The following ELAVL2 variants were observed in gnomAD, a reference collection of about 807,000 sequenced individuals.
ELAVL2 encodes ELAV like RNA binding protein 2, also known as ELAV-like protein 2.
In ELAVL2, 4 loss-of-function variants were observed where a neutral mutation model predicts 34.6. The observed-to-expected ratio is 0.12, with a 90% CI of 0.06 to 0.26. ELAVL2 has a LOEUF of 0.26. Among genes scored for constraint, ELAVL2 ranks in the 10% least tolerant of loss-of-function variants. The probability of loss-of-function intolerance (pLI) is 1.00; values close to 1 mark genes in which losing one functional copy is unlikely to be tolerated. For missense variants in ELAVL2, 432 were observed against 442.8 expected (o/e 0.98, Z 0.22); for synonymous variants, 193 against 154.8 (o/e 1.25, Z -1.83).
At chr9:23,701,727 C>G in intron 4 of ELAVL2, 123 bp from the exon 5 acceptor site, 4 of 969,014 alleles carry the variant, frequency 4.1e-6, no homozygotes, top group Non-Finnish European at 6.2e-6. Context: ...TAACATTTCC[C>G]ACAAAATCAC....
At chr9:23,789,808 G>A (rs1347784404) in intron 1 of ELAVL2, among the ~76,000 whole-genome samples, 1 of 148,472 alleles carries the variant, frequency 6.7e-6, no homozygotes, top group Non-Finnish European at 1.5e-5. Context: ...TTGCAAAACA[G>A]TTAGCTTCTT....
intron 1 of ELAVL2, among the ~76,000 whole-genome samples, chr9:23,808,385 T>C (rs528393742): frequency 3.9e-5 from 6 of 152,276 alleles, no homozygotes; most frequent in African/African-American, 9.6e-5. Context: ...TAAGGTAGTA[T>C]ATGTGGCATA....
chr9:23,697,933 T>C (rs921469743), intron 5 of ELAVL2, among the ~76,000 whole-genome samples: 1 of 151,934 alleles, frequency 6.6e-6, no homozygotes, highest in African/African-American at 2.4e-5. Context: ...AAGATCATCT[T>C]CTTACTGCCT....
intron 1 of ELAVL2, among the ~76,000 whole-genome samples, chr9:23,774,069 G>A (rs1240503943): frequency 1.3e-5 from 2 of 151,738 alleles, no homozygotes; most frequent in Admixed American, 1.3e-4. Context: ...AAATTAGCCG[G>A]ACTTGGTGGC....
intron 1 of ELAVL2, among the ~76,000 whole-genome samples, chr9:23,808,396 T>C (rs971729326): frequency 6.6e-6 from 1 of 152,140 alleles, no homozygotes; most frequent in Non-Finnish European, 1.5e-5. Flanking sequence ...ATGTGGCATA[T>C]AGCAAGATCA....
intron 1 of ELAVL2, among the ~76,000 whole-genome samples, chr9:23,765,734 C>G (rs1395937970): frequency 1.3e-5 from 2 of 152,138 alleles, no homozygotes; most frequent in African/African-American, 4.8e-5. Context: ...AGTAAACCAG[C>G]ATCTTTCAAT....
rs150394407 is a variant in ELAVL2, at chr9:23,741,747, C to A, written c.230-10622G>T. 1.5e-3 allele frequency among the ~76,000 whole-genome samples: 227 copies of A among 150,886 alleles called. 1 individual carries two copies. Among genetic ancestry groups the A allele is most frequent in the African/African-American group, 5.2e-3 (213 of 40,858 alleles). Reference sequence around the variant, plus strand: ...GAGCCACTGAACAAGACACACAGATCCTGCACCACTTCTGCACGTCTCCCA... The same window carrying A: ...GAGCCACTGAACAAGACACACAGATACTGCACCACTTCTGCACGTCTCCCA... On this transcript the variant is annotated intron_variant, in intron 2 of 6. Transcript: ENST00000397312.
intron 3 of ELAVL2, among the ~76,000 whole-genome samples, chr9:23,720,416 C>T (rs566474938): frequency 3.3e-5 from 5 of 152,036 alleles, no homozygotes; most frequent in African/African-American, 1.2e-4. Flanking sequence ...GACTGCCCAC[C>T]TCAGCCTCCC....
chr9:23,718,896 T>C (rs745396070), intron 3 of ELAVL2, among the ~76,000 whole-genome samples: 2 of 152,242 alleles, frequency 1.3e-5, no homozygotes, highest in Non-Finnish European at 2.9e-5. Flanking sequence ...AAGTATCTAT[T>C]AGACACCTGA....
chr9:23,696,897 G>T (rs2035458661), intron 5 of ELAVL2, among the ~76,000 whole-genome samples: 1 of 151,520 alleles, frequency 6.6e-6, no homozygotes, highest in African/African-American at 2.4e-5. Flanking sequence ...AAATATTAAA[G>T]TATCCATTAA....
intron 1 of ELAVL2, among the ~76,000 whole-genome samples, chr9:23,782,796 C>G (rs1269682842): frequency 1.3e-5 from 2 of 152,300 alleles, no homozygotes; most frequent in South Asian, 4.1e-4. Context: ...TATTTACCAG[C>G]CTGCTTGACC....
chr9:23,797,777 A>C (rs2061125702), intron 1 of ELAVL2, among the ~76,000 whole-genome samples: 1 of 152,014 alleles, frequency 6.6e-6, no homozygotes, highest in South Asian at 2.1e-4. Context: ...AAAAATACAA[A>C]ATTAGGTGGG....
chr9:23,708,754 G>A (rs996041860), intron 3 of ELAVL2, among the ~76,000 whole-genome samples: 7 of 152,060 alleles, frequency 4.6e-5, no homozygotes, highest in Non-Finnish European at 1.0e-4. Context: ...CTATTCTCCT[G>A]CCTCAGCCTT....
intron 3 of ELAVL2, among the ~76,000 whole-genome samples, chr9:23,717,947 A>C (rs112161287): frequency 1.8e-4 from 28 of 152,334 alleles, no homozygotes; most frequent in African/African-American, 4.6e-4. Flanking sequence ...AACAACTTGC[A>C]ATTAAATACT....
intron 6 of ELAVL2, 116 bp from the exon 7 acceptor site, chr9:23,693,000 C>T: frequency 1.1e-6 from 1 of 915,806 alleles, no homozygotes; most frequent in Non-Finnish European, 1.6e-6. Context: ...TCTCCTCCCC[C>T]AACAAATATA....
intron 2 of ELAVL2, among the ~76,000 whole-genome samples, chr9:23,753,950 T>C (rs1029663645): frequency 5.9e-5 from 9 of 152,206 alleles, no homozygotes; most frequent in African/African-American, 2.2e-4. Flanking sequence ...GAAAGGTTAC[T>C]GAAGACTATT....
At chr9:23,697,473 G>C (rs993843584) in intron 5 of ELAVL2, among the ~76,000 whole-genome samples, 2 of 152,144 alleles carry the variant, frequency 1.3e-5, no homozygotes, top group Admixed American at 6.5e-5. Flanking sequence ...ATTTAATACA[G>C]ATTGTCTCAT....
At chr9:23,693,546 A>G (rs1289018894) in intron 5 of ELAVL2, 60 bp from the exon 6 acceptor site, 1 of 1,600,568 alleles carries the variant, frequency 6.2e-7, no homozygotes, top group East Asian at 2.2e-5. Flanking sequence ...TGTTCAAGAA[A>G]GTTGGGCTCA....
chr9:23,779,840 G>A (rs117605446), intron 1 of ELAVL2, among the ~76,000 whole-genome samples: 5,793 of 151,702 alleles, frequency 0.038, 180 homozygotes, highest in Middle Eastern at 0.14. Context: ...ATAAAAAGCT[G>A]GAGCAATTCC....
Sources: gnomAD v4.1 joint callset for allele counts (sites outside exome capture counted in the v4.1 genomes callset) on GRCh38, gnomAD v4.1.1 for gene constraint, MANE v1.5 for transcripts, NCBI Gene and HGNC (gene_info 2026-07-23, HGNC 2026-07-21) for gene names.